Variants in SLC27A2 observed in about 807,000 individuals in gnomAD.
SLC27A2 encodes the protein solute carrier family 27 member 2, also known as long-chain fatty acid transport protein 2.
In SLC27A2, 54 loss-of-function variants were observed where a neutral mutation model predicts 60.0. The ratio of observed to expected loss-of-function variants is 0.90; its 90% confidence interval spans 0.72 to 1.13. The LOEUF (loss-of-function observed/expected upper bound fraction) is 1.13. SLC27A2 is among the 50% of genes most tolerant of loss of function. The probability of loss-of-function intolerance (pLI) is 0.00; values close to 1 mark genes in which losing one functional copy is unlikely to be tolerated. For synonymous variants in SLC27A2, 297 were observed against 297.6 expected (o/e 1.00, Z 0.02); for missense variants, 739 against 777.6 (o/e 0.95, Z 0.59).
Position 50,216,375 on chromosome 15 carries a change from C to T in SLC27A2, c.973-6590C>T, listed in dbSNP as rs538575097. Among the ~76,000 whole-genome samples, 6 of 152,098 alleles carry T rather than the reference C, an allele frequency of 3.9e-5. No individual in the cohort carries two copies. The South Asian group carries it at 1.2e-3, about 32-fold the overall frequency. ...CTACTGGTGGGAATGTAAACTAGTACAGCCACTATGGAAAACAGCGTGGAG... is the reference window on the plus strand; with the variant it reads ...CTACTGGTGGGAATGTAAACTAGTATAGCCACTATGGAAAACAGCGTGGAG... On this transcript the variant is annotated intron_variant, in intron 4 of 9. Coordinates refer to ENST00000267842, the MANE Select transcript of SLC27A2 (RefSeq NM_003645.4).
chr15:50,192,067 AAAAAAAG>A (rs1014875285), intron 1 of SLC27A2, among the ~76,000 whole-genome samples: 6 of 152,232 alleles, frequency 3.9e-5, no homozygotes, highest in African/African-American at 1.4e-4. Flanking sequence ...CTCAAAAAAA[AAAAAAAG>A]AAAAAAGAAA....
chr15:50,195,176 A>G (rs2045003471), intron 1 of SLC27A2, among the ~76,000 whole-genome samples: 1 of 152,116 alleles, frequency 6.6e-6, no homozygotes, highest in Non-Finnish European at 1.5e-5. Flanking sequence ...TAAAAAATTG[A>G]CAGTGGTGGG....
intron 4 of SLC27A2, among the ~76,000 whole-genome samples, chr15:50,214,799 T>C (rs2140907794): frequency 6.6e-6 from 1 of 152,254 alleles, no homozygotes; most frequent in East Asian, 1.9e-4. Flanking sequence ...AAAATCGGCA[T>C]ACAAGGGACA....
chr15:50,233,895 C>T lies in SLC27A2; in HGVS notation c.1583C>T (p.Ser528Phe). The T allele has an allele frequency of 1.2e-6, 2 of 1,613,862 alleles. No homozygotes were observed. The highest frequency in any genetic ancestry group is 3.3e-4 in the Middle Eastern group (2 of 6,060). ...CATGAGGGTCGCATTGGCATGGCCT[C>T]CATCAAAATGAAAGAAAACCATGAA... Reference protein sequence around the residue: ...PDHEGRIGMASIKMKENHEFD... With the variant: ...PDHEGRIGMAFIKMKENHEFD... Residue 528 changes from serine (S) to phenylalanine (F), a missense_variant, in exon 9 of 10, where the codon TCC (serine) becomes TTC (phenylalanine). Coordinates refer to ENST00000267842, the MANE Select transcript of SLC27A2 (RefSeq NM_003645.4).
intron 1 of SLC27A2, among the ~76,000 whole-genome samples, chr15:50,195,938 C>T (rs928516837): frequency 6.7e-6 from 1 of 148,180 alleles, no homozygotes; most frequent in Non-Finnish European, 1.5e-5. Context: ...GCCTGTGGTC[C>T]CAGCTACCGG....
At chr15:50,210,453 A>G (rs1170204118) in intron 4 of SLC27A2, among the ~76,000 whole-genome samples, 1 of 152,204 alleles carries the variant, frequency 6.6e-6, no homozygotes, top group Non-Finnish European at 1.5e-5. Flanking sequence ...CGAGCAAAAT[A>G]CAAAGGTAGA....
intron 2 of SLC27A2, among the ~76,000 whole-genome samples, chr15:50,200,418 AAAT>A (rs35855605): frequency 0.97 from 145,442 of 150,150 alleles, 70,584 homozygotes; most frequent in Middle Eastern, 1. Flanking sequence ...CCTATCTCAA[AAAT>A]AATAATAATA....
chr15:50,214,083 A>G (rs1240641090), intron 4 of SLC27A2, among the ~76,000 whole-genome samples: 2 of 152,300 alleles, frequency 1.3e-5, no homozygotes, highest in African/African-American at 4.8e-5. Flanking sequence ...CCAAGAAAAG[A>G]AGAGAAAAAA....
intron 8 of SLC27A2, among the ~76,000 whole-genome samples, chr15:50,233,312 G>A (rs975516221): frequency 1.3e-5 from 2 of 152,214 alleles, no homozygotes; most frequent in East Asian, 3.8e-4. Context: ...GCAACCTGAA[G>A]AACAACCCAA....
rs529552229 is a variant in SLC27A2, at chr15:50,182,390, C to A, written c.-38C>A. 2 of 1,538,194 alleles carry A rather than the reference C, an allele frequency of 1.3e-6. No homozygotes were observed. Among genetic ancestry groups the A allele is most frequent in the Admixed American group, 3.9e-5 (2 of 50,858 alleles). ...GCCGCGCTGCACGCCCGGGGTGAAC[C>A]CTCTGCCCTCGCTGGGACAGAGGGC... On this transcript the variant is annotated 5_prime_UTR_variant, in exon 1 of 10. Transcript: ENST00000267842.
chr15:50,196,165 T>C (rs1396242709), intron 1 of SLC27A2, among the ~76,000 whole-genome samples: 1 of 130,384 alleles, frequency 7.7e-6, no homozygotes, highest in East Asian at 2.4e-4. Context: ...TCAAGACAAG[T>C]AGGCTTAAAA....
At chr15:50,201,071 A>G (rs1386433548) in intron 2 of SLC27A2, among the ~76,000 whole-genome samples, 2 of 152,188 alleles carry the variant, frequency 1.3e-5, no homozygotes, top group Non-Finnish European at 2.9e-5. Context: ...GGCTCACTGT[A>G]GCCTCAACCT....
chr15:50,213,047 C>A (rs957564563), intron 4 of SLC27A2, among the ~76,000 whole-genome samples: 1 of 152,174 alleles, frequency 6.6e-6, no homozygotes, highest in Non-Finnish European at 1.5e-5. Flanking sequence ...CCAACTGCTG[C>A]CTTCAGGAGA....
rs1194689046 is a variant in SLC27A2, at chr15:50,233,989, A to G, written c.1677A>G (p.Leu559=). Residue 559 remains leucine, a synonymous_variant, in exon 9 of 10, where the codon CTA becomes CTG. Transcript: ENST00000267842. Reference sequence around the variant, plus strand: ...CTAGTTATGCAAGGCCCCGGTTTCTAAGAATACAGGTGAGATCTCTTATTA... The same window carrying G: ...CTAGTTATGCAAGGCCCCGGTTTCTGAGAATACAGGTGAGATCTCTTATTA... ...YLPSYARPRF[L]RIQDTIEITG... 7 of 1,611,670 alleles carry G rather than the reference A, an allele frequency of 4.3e-6. No individual in the cohort carries two copies. The East Asian group carries it at 1.1e-4, about 26-fold the overall frequency.
chr15:50,191,455 AC>A, intron 1 of SLC27A2, among the ~76,000 whole-genome samples: 1 of 152,242 alleles, frequency 6.6e-6, no homozygotes, highest in East Asian at 1.9e-4. Flanking sequence ...GGCACAGCCT[AC>A]CTCCCTTAAT....
At chr15:50,197,333 AAAT>A (rs750708993) in intron 1 of SLC27A2, among the ~76,000 whole-genome samples, 164 bp from the exon 2 acceptor site, 1 of 152,156 alleles carries the variant, frequency 6.6e-6, no homozygotes, top group Admixed American at 6.5e-5. Flanking sequence ...ATCTCCATTA[AAAT>A]AATAATAATA....
rs1377531247 is a variant in SLC27A2 at position 50,236,087 on chromosome 15, G to A, written c.1854G>A (p.Leu618=). 1 of 1,590,884 alleles carries A rather than the reference G, an allele frequency of 6.3e-7. No homozygotes were observed. The highest frequency in any genetic ancestry group is 2.3e-5 in the East Asian group (1 of 44,106). The change falls in exon 10 of 10, where the codon CTG becomes CTA. Residue 618 remains leucine (L), a synonymous_variant. Coordinates refer to ENST00000267842, the MANE Select transcript of SLC27A2 (RefSeq NM_003645.4). Reference sequence around the variant, plus strand: ...ATAATGCCATAAGTGCTAAAACCCTGAAACTCTGAATATTCCCAGGAGGAT... The same window carrying A: ...ATAATGCCATAAGTGCTAAAACCCTAAAACTCTGAATATTCCCAGGAGGAT... The part of the protein sequence containing the change: ...DIYNAISAKT[L]KL
intron 5 of SLC27A2, among the ~76,000 whole-genome samples, chr15:50,224,179 G>A (rs1279514100): frequency 6.6e-6 from 1 of 152,202 alleles, no homozygotes; most frequent in East Asian, 1.9e-4. Context: ...AGCGGCTCAC[G>A]CCTGTAATCC....
intron 4 of SLC27A2, among the ~76,000 whole-genome samples, chr15:50,214,323 A>T (rs2045179739): frequency 6.6e-6 from 1 of 152,160 alleles, no homozygotes; most frequent in African/African-American, 2.4e-5. Context: ...TGAAATGGTA[A>T]TTTAAAAATT....
Sources: gnomAD v4.1 joint callset for allele counts (sites outside exome capture counted in the v4.1 genomes callset) on GRCh38, gnomAD v4.1.1 for gene constraint, MANE v1.5 for transcripts, NCBI Gene and HGNC (gene_info 2026-07-23, HGNC 2026-07-21) for gene names.